FAM110A: variants seen among roughly 807,000 people sequenced by gnomAD.
FAM110A encodes the protein family with sequence similarity 110 member A, also known as protein FAM110A.
FAM110A carries 1 observed loss-of-function variant against 4.0 expected under a neutral mutation model. The ratio of observed to expected loss-of-function variants is 0.25; its 90% CI spans 0.09 to 1.20. The LOEUF (loss-of-function observed/expected upper bound fraction) is 1.20. Among genes scored for constraint, FAM110A ranks in the 50% most tolerant of loss-of-function variants. FAM110A has a pLI of 0.50. For missense variants in FAM110A, 436 were observed against 429.2 expected, an observed-to-expected ratio of 1.02 and a Z score of -0.14; for synonymous variants, 217 against 196.8, an observed-to-expected ratio of 1.10 and a Z score of -0.86.
chr20:845,130 G>A lies in FAM110A; in HGVS notation c.326G>A (p.Ser109Asn), dbSNP rs1391038805. ...CAGCTGGACCTGGACATCCTCAGCA[G>A]CCTCATCGACTTGTGTGACAGCCCC... is the stretch of plus-strand genomic sequence containing the variant. ...RPQLDLDILSSLIDLCDSPVS... is the reference protein window; with the variant it reads ...RPQLDLDILSNLIDLCDSPVS... Residue 109 changes from serine to asparagine, a missense_variant, in exon 2 of 2, where the codon AGC (serine) becomes AAC (asparagine). Physicochemically the swap from Ser to Asn is conservative, Grantham distance 46. Coordinates refer to ENST00000381941, the MANE Select transcript of FAM110A (RefSeq NM_001042353.3). The A allele has an allele frequency of 1.3e-5, 20 of 1,585,314 alleles. No homozygotes were observed. The highest frequency in any genetic ancestry group is 5.2e-5 in the Admixed American group (3 of 57,698).
Position 844,729 on chromosome 20 carries a change from C to T in FAM110A, c.-76C>T, listed in dbSNP as rs2122697483. 1.5e-6 allele frequency: 2 copies of T among 1,357,340 alleles called. No individual in the cohort carries two copies. Among genetic ancestry groups the T allele is most frequent in the South Asian group, 1.8e-5 (1 of 56,152 alleles). 84.1% of individuals were successfully genotyped at this position (1,357,340 alleles called of 1,614,324 possible). On this transcript the variant is annotated 5_prime_UTR_variant, in exon 2 of 2. Transcript: ENST00000381941. ...GCAGCAGTGGCCGGTGTCCAGCTGCCTACTTTCTGCCCGGATCTCTGGCTC... is the reference window on the plus strand; with the variant it reads ...GCAGCAGTGGCCGGTGTCCAGCTGCTTACTTTCTGCCCGGATCTCTGGCTC...
chr20:842,896 A>T lies in FAM110A; in HGVS notation c.-97-1812A>T, dbSNP rs570654535. On this transcript the variant is annotated intron_variant, in intron 1 of 1. Coordinates refer to ENST00000381941, the MANE Select transcript of FAM110A (RefSeq NM_001042353.3). ...CACATCTGGCTCCCATAAATATTTC[A>T]GTTCAATAAATTTTTATTGAATATT... Among the ~76,000 whole-genome samples, 3 of 152,154 alleles carry T rather than the reference A, an allele frequency of 2.0e-5. No homozygotes were observed. The East Asian group carries it at 5.8e-4, about 30-fold the overall frequency.
chr20:842,995 A>T (rs1037307215), intron 1 of FAM110A, among the ~76,000 whole-genome samples: 1 of 152,050 alleles, frequency 6.6e-6, no homozygotes. Flanking sequence ...CCCCGCCCCT[A>T]CACACACACG....
chr20:840,089 G>T lies in FAM110A; in HGVS notation c.-97-4619G>T. The T allele has an allele frequency of 1.4e-6, 1 of 693,944 alleles. No homozygotes were observed. The highest frequency in any genetic ancestry group is 2.5e-6 in the Non-Finnish European group (1 of 392,718). 43.0% of individuals were successfully genotyped at this position (693,944 alleles called of 1,614,324 possible). On this transcript the variant is annotated intron_variant, in intron 1 of 1. Transcript: ENST00000381941. The surrounding 1 kb of genome is among the most constrained non-coding windows in gnomAD (Gnocchi z 4.4). The stretch of plus-strand genomic sequence containing the variant: ...GCTGTTACTACTATTAGCGCCTGAA[G>T]GAGCCTTCCCTCCCCATCCCCCATT...
rs1263863209 is a variant in FAM110A at position 845,898 on chromosome 20, C to G, written c.*206C>G. The G allele has an allele frequency of 9.1e-7, 1 of 1,094,756 alleles. No individual in the cohort carries two copies. The highest frequency in any genetic ancestry group is 1.3e-6 in the Non-Finnish European group (1 of 782,282). 67.8% of individuals were successfully genotyped at this position (1,094,756 alleles called of 1,614,324 possible). A position where few individuals can be genotyped will look rare whatever the true frequency, so the allele number is the denominator to read the frequency against. On this transcript the variant is annotated 3_prime_UTR_variant, in exon 2 of 2. Coordinates refer to ENST00000381941, the MANE Select transcript of FAM110A (RefSeq NM_001042353.3). ...GGGTTTTGTTCTTGGCTTTGGACAC[C>G]TGAGAACCCCCTCCTCCCCTCCCCC...
intron 1 of FAM110A, among the ~76,000 whole-genome samples, chr20:841,008 G>C (rs1461877835): frequency 6.6e-6 from 1 of 152,198 alleles, no homozygotes; most frequent in Non-Finnish European, 1.5e-5. Context: ...TCTCTAAGGT[G>C]GGTGCGCTTG....
At chr20:837,897 G>A (rs1979664335) in intron 1 of FAM110A, among the ~76,000 whole-genome samples, 2 of 152,060 alleles carry the variant, frequency 1.3e-5, no homozygotes, top group South Asian at 4.1e-4. Context: ...TGGTGCTTAG[G>A]GACCCTGTCC....
At chr20:837,343 C>A (rs1323857083) in intron 1 of FAM110A, among the ~76,000 whole-genome samples, 1 of 152,200 alleles carries the variant, frequency 6.6e-6, no homozygotes, top group Non-Finnish European at 1.5e-5. Flanking sequence ...AGCCACTGCA[C>A]CCAGTCATGA....
rs1310633838 is a variant in FAM110A at position 834,204 on chromosome 20, G to C, written c.-98+253G>C. On this transcript the variant is annotated intron_variant, in intron 1 of 1. Transcript: ENST00000381941. This position sits in a 1 kb window ranked among gnomAD's most constrained non-coding sequence, Gnocchi z 5.6. ...CTTGAGAGGCCCAGACGGGCAACTG[G>C]TAGTCATTTTCCCAGCGTTTTATCG... Among the ~76,000 whole-genome samples the C allele has an allele frequency of 6.6e-6, 1 of 152,206 alleles. No individual in the cohort carries two copies. Among genetic ancestry groups the C allele is most frequent in the Admixed American group, 6.5e-5 (1 of 15,286 alleles).
chr20:837,146 G>A (rs901929429), intron 1 of FAM110A, among the ~76,000 whole-genome samples: 49 of 147,276 alleles, frequency 3.3e-4, no homozygotes, highest in Admixed American at 3.1e-3. Context: ...TCTGTGTCCC[G>A]GGTTCAAATG....
intron 1 of FAM110A, among the ~76,000 whole-genome samples, chr20:843,118 AG>A (rs1456780387): frequency 2.6e-5 from 4 of 152,136 alleles, no homozygotes; most frequent in Admixed American, 6.5e-5. Flanking sequence ...TAGTGCCGGG[AG>A]GGGGTCAGGA....
chr20:840,820 T>C lies in FAM110A; in HGVS notation c.-97-3888T>C, dbSNP rs911169243. 6.6e-6 allele frequency among the ~76,000 whole-genome samples: 1 copy of C among 152,184 alleles called. No individual in the cohort carries two copies. The highest frequency in any genetic ancestry group is 1.5e-5 in the Non-Finnish European group (1 of 68,032). On this transcript the variant is annotated intron_variant, in intron 1 of 1. Coordinates refer to ENST00000381941, the MANE Select transcript of FAM110A (RefSeq NM_001042353.3). This position sits in a 1 kb window ranked among gnomAD's most constrained non-coding sequence, Gnocchi z 4.4. The stretch of plus-strand genomic sequence containing the variant: ...GATTTTGGGCTAGTGACTCAGCCTC[T>C]CTCAGCCTCAGTTTACCATTAGTCA...
chr20:835,200 C>CTCTCTCTA (rs757995617), intron 1 of FAM110A, among the ~76,000 whole-genome samples: 37 of 140,550 alleles, frequency 2.6e-4, no homozygotes, highest in African/African-American at 5.1e-4. Context: ...CTCTCTCTCT[C>CTCTCTCTA]TATATATATA....
chr20:837,746 T>C (rs1036345487), intron 1 of FAM110A, among the ~76,000 whole-genome samples: 1 of 152,004 alleles, frequency 6.6e-6, no homozygotes, highest in African/African-American at 2.4e-5. Context: ...CAGAGGTTTG[T>C]ATATGGTGGC....
chr20:838,663 A>G lies in FAM110A; in HGVS notation c.-98+4712A>G, dbSNP rs1466891443. Reference sequence around the variant, plus strand: ...AGGGAAGAGGTTCCAGACAGAGAACAGCTGGTGCAAAAGCCCTGAGGCAGG... The same window carrying G: ...AGGGAAGAGGTTCCAGACAGAGAACGGCTGGTGCAAAAGCCCTGAGGCAGG... On this transcript the variant is annotated intron_variant, in intron 1 of 1. Coordinates refer to ENST00000381941, the MANE Select transcript of FAM110A (RefSeq NM_001042353.3). Among the ~76,000 whole-genome samples the G allele has an allele frequency of 2.0e-5, 3 of 152,326 alleles. No homozygotes were observed. The East Asian group carries it at 5.8e-4, about 29-fold the overall frequency.
At position 834,383 on chromosome 20, in the gene FAM110A, C is replaced by T. The variant is rs1458725638; in HGVS notation, c.-98+432C>T. Among the ~76,000 whole-genome samples the T allele has an allele frequency of 1.3e-5, 2 of 152,234 alleles. No homozygotes were observed. Among genetic ancestry groups the T allele is most frequent in the African/African-American group, 4.8e-5 (2 of 41,456 alleles). On this transcript the variant is annotated intron_variant, in intron 1 of 1. Coordinates refer to ENST00000381941, the MANE Select transcript of FAM110A (RefSeq NM_001042353.3). This position sits in a 1 kb window ranked among gnomAD's most constrained non-coding sequence, Gnocchi z 5.6. ...TTCTGTCTACGGGGACAGAGGACCA[C>T]TCTTTGGGGATCGGACGGGACTGAC...
chr20:839,642 A>G, intron 1 of FAM110A: 1 of 1,173,484 alleles, frequency 8.5e-7, no homozygotes, highest in South Asian at 1.2e-5. Context: ...GAGGCCTGCC[A>G]GTCTCTGGAC....
chr20:841,556 G>C (rs927586175), intron 1 of FAM110A, among the ~76,000 whole-genome samples: 12 of 152,170 alleles, frequency 7.9e-5, no homozygotes, highest in African/African-American at 2.9e-4. Context: ...AAGCTTTTCC[G>C]GAATTGAGGG....
chr20:845,451 C>T lies in FAM110A; in HGVS notation c.647C>T (p.Ala216Val), dbSNP rs186542417. Residue 216 changes from alanine to valine, a missense_variant, in exon 2 of 2, where the codon GCG becomes GTG. Transcript: ENST00000381941. ...TTCTGCGGCCTGGACCCGGAGGAGGCGAGAGGGTTGGGTGTGGCCCACCTG... is the reference window on the plus strand; with the variant it reads ...TTCTGCGGCCTGGACCCGGAGGAGGTGAGAGGGTTGGGTGTGGCCCACCTG... ...FNFCGLDPEE[A>V]RGLGVAHLAR... 6 of 1,613,596 alleles carry T rather than the reference C, an allele frequency of 3.7e-6. No individual in the cohort carries two copies. The highest frequency in any genetic ancestry group is 4.2e-6 in the Non-Finnish European group (5 of 1,179,824).
Sources: gnomAD v4.1 joint callset for allele counts (sites outside exome capture counted in the v4.1 genomes callset) on GRCh38, gnomAD v4.1.1 for gene constraint, Gnocchi (gnomAD v3.1) non-coding constraint, MANE v1.5 for transcripts, NCBI Gene and HGNC (gene_info 2026-07-23, HGNC 2026-07-21) for gene names.